RAB38: variants seen among roughly 807,000 people sequenced by gnomAD.
The protein encoded by RAB38 is RAB38, member RAS oncogene family, also known as ras-related protein Rab-38.
A neutral mutation model predicts 18.4 loss-of-function variants in RAB38; 15 were observed. That is an observed-to-expected ratio of 0.82 (90% confidence interval 0.55 to 1.26). The LOEUF is 1.26. Ranked by LOEUF, RAB38 falls within the 50% of genes most tolerant of loss-of-function variation. The pLI is 0.00. For missense variants in RAB38, 294 were observed against 267.4 expected (o/e 1.10, Z -0.69); for synonymous variants, 101 against 104.4 (o/e 0.97, Z 0.20).
chr11:87,874,362 T>C, the RAB38 span, among the ~76,000 whole-genome samples: 1 of 151,294 alleles, frequency 6.6e-6, no homozygotes, highest in Non-Finnish European at 1.5e-5. Context: ...ACCCCAAATA[T>C]ATAAAGCACC....
At chr11:88,071,675 A>G in the RAB38 span, among the ~76,000 whole-genome samples, 1 of 152,246 alleles carries the variant, frequency 6.6e-6, no homozygotes, top group East Asian at 1.9e-4. Flanking sequence ...AATCAAATCC[A>G]TGACAAGCCA....
the RAB38 span, among the ~76,000 whole-genome samples, chr11:88,011,069 T>C: frequency 1.3e-5 from 2 of 152,196 alleles, no homozygotes; most frequent in African/African-American, 4.8e-5. Flanking sequence ...ATCTTGGTAG[T>C]CTGAGAGGCT....
the RAB38 span, among the ~76,000 whole-genome samples, chr11:88,052,935 T>TATATATATATCTC: frequency 2.3e-5 from 2 of 85,790 alleles, no homozygotes; most frequent in Non-Finnish European, 4.1e-5. Flanking sequence ...TATATATATA[T>TATATATATATCTC]ATATATATAA....
At chr11:87,902,622 C>G in the RAB38 span, among the ~76,000 whole-genome samples, 1 of 151,240 alleles carries the variant, frequency 6.6e-6, no homozygotes, top group Non-Finnish European at 1.5e-5. Context: ...TCAACAATAC[C>G]TGTGTTGAAT....
the RAB38 span, among the ~76,000 whole-genome samples, chr11:88,107,308 T>C: frequency 6.6e-6 from 1 of 152,138 alleles, no homozygotes; most frequent in Admixed American, 6.6e-5. Context: ...CCTAGGTGAC[T>C]GCTAATCAAC....
the RAB38 span, among the ~76,000 whole-genome samples, chr11:87,882,179 C>A: frequency 6.6e-6 from 1 of 151,800 alleles, no homozygotes; most frequent in African/African-American, 2.4e-5. Flanking sequence ...TGCCTCTGGC[C>A]CAGATTTGGC....
the RAB38 span, among the ~76,000 whole-genome samples, chr11:87,804,075 A>C: frequency 2.0e-5 from 3 of 152,212 alleles, no homozygotes; most frequent in Non-Finnish European, 4.4e-5. Flanking sequence ...ATTGTTTTGT[A>C]ACTGAACCAA....
At chr11:88,068,371 A>T in the RAB38 span, among the ~76,000 whole-genome samples, 2 of 152,190 alleles carry the variant, frequency 1.3e-5, no homozygotes, top group African/African-American at 4.8e-5. Context: ...GCCTAATCTT[A>T]GGTAATAGAA....
chr11:88,054,316 G>A, the RAB38 span, among the ~76,000 whole-genome samples: 1 of 151,968 alleles, frequency 6.6e-6, no homozygotes, highest in Non-Finnish European at 1.5e-5. Flanking sequence ...AACATTTCTG[G>A]GTAGTTTTCT....
chr11:88,061,003 A>C, the RAB38 span, among the ~76,000 whole-genome samples: 1 of 152,214 alleles, frequency 6.6e-6, no homozygotes, highest in African/African-American at 2.4e-5. Flanking sequence ...CTGTGAGGAC[A>C]ACAATTTGTT....
At chr11:87,939,886 T>A in the RAB38 span, among the ~76,000 whole-genome samples, 1 of 151,970 alleles carries the variant, frequency 6.6e-6, no homozygotes, top group Non-Finnish European at 1.5e-5. Flanking sequence ...CTGAGTGACA[T>A]AGCCAGACCT....
At chr11:88,063,387 A>G in the RAB38 span, among the ~76,000 whole-genome samples, 16 of 152,116 alleles carry the variant, frequency 1.1e-4, no homozygotes, top group Admixed American at 3.3e-4. Context: ...AAGTTTCTAC[A>G]GCCTTCAAGG....
chr11:88,045,512 G>A, the RAB38 span, among the ~76,000 whole-genome samples: 1 of 152,196 alleles, frequency 6.6e-6, no homozygotes, highest in Admixed American at 6.5e-5. Flanking sequence ...CCGCAGCCCG[G>A]GATTCCTCCT....
the RAB38 span, among the ~76,000 whole-genome samples, chr11:87,915,038 C>T: frequency 6.6e-5 from 10 of 152,160 alleles, no homozygotes; most frequent in Admixed American, 1.3e-4. Context: ...AGAGCCACTA[C>T]AGAGAATCCC....
At chr11:87,915,187 T>C in the RAB38 span, among the ~76,000 whole-genome samples, 2 of 152,150 alleles carry the variant, frequency 1.3e-5, no homozygotes, top group African/African-American at 4.8e-5. Context: ...GCATGTGAGC[T>C]GTGCCTAGCA....
the RAB38 span, among the ~76,000 whole-genome samples, chr11:87,872,628 T>C: frequency 6.6e-6 from 1 of 151,620 alleles, no homozygotes; most frequent in Non-Finnish European, 1.5e-5. Flanking sequence ...ACCCTGGAAA[T>C]CACTGATTAC....
At chr11:87,953,435 C>T in the RAB38 span, among the ~76,000 whole-genome samples, 6 of 152,138 alleles carry the variant, frequency 3.9e-5, no homozygotes, top group African/African-American at 1.4e-4. Flanking sequence ...GGCAGTTTCA[C>T]TTTCTAAGGT....
At chr11:87,871,915 A>T in the RAB38 span, among the ~76,000 whole-genome samples, 1 of 151,536 alleles carries the variant, frequency 6.6e-6, no homozygotes, top group African/African-American at 2.4e-5. Flanking sequence ...GATACTGATT[A>T]TTGTTTCCAC....
At chr11:88,024,228 T>G in the RAB38 span, among the ~76,000 whole-genome samples, 3 of 152,034 alleles carry the variant, frequency 2.0e-5, no homozygotes, top group Admixed American at 2.0e-4. Context: ...GGCAAAAGAT[T>G]TGAATAGACA....
Sources: allele counts gnomAD v4.1 joint callset (sites outside exome capture counted in the v4.1 genomes callset), GRCh38; gene constraint gnomAD v4.1.1; transcripts MANE v1.5; gene names NCBI Gene and HGNC (gene_info 2026-07-23, HGNC 2026-07-21).